The following CRIPT variants were observed in gnomAD, a reference collection of about 807,000 sequenced individuals.
The protein encoded by CRIPT is CXXC repeat containing interactor of PDZ3 domain.
Under a neutral mutation model 16.6 loss-of-function variants are expected in CRIPT, and 20 were observed. The ratio of observed to expected loss-of-function variants is 1.20; its 90% confidence interval spans 0.85 to 1.75. The LOEUF is 1.75. Ranked by LOEUF, CRIPT falls within the 40% of genes most tolerant of loss-of-function variation. CRIPT has a pLI of 0.00. For synonymous variants in CRIPT, 42 were observed against 37.0 expected (o/e 1.14, Z -0.49); for missense variants, 133 against 115.3 (o/e 1.15, Z -0.70).
In CRIPT at chr2:46,628,942, T is replaced by C. The variant is rs556113268; in HGVS notation, c.*4715T>C. ...AAGGAATTAAAGCCAAACCTAACTT[T>C]TATCAAAATAAATGTAAAAGTGATG... On this transcript the variant is annotated 3_prime_UTR_variant, in exon 5 of 5. Coordinates refer to ENST00000238892, the MANE Select transcript of CRIPT (RefSeq NM_014171.6). 2.0e-5 allele frequency among the ~76,000 whole-genome samples: 3 copies of C among 152,318 alleles called. No homozygotes were observed. The South Asian group carries it at 6.2e-4, about 32-fold the overall frequency.
At chr2:46,619,117 CTTAT>C (rs1670742861) in intron 2 of CRIPT, among the ~76,000 whole-genome samples, 1 of 152,028 alleles carries the variant, frequency 6.6e-6, no homozygotes, top group African/African-American at 2.4e-5. Context: ...TTTGATTCAG[CTTAT>C]TTAGAGTCTG....
At position 46,629,218 on chromosome 2, in the gene CRIPT, TA is replaced by T. The variant is rs1219084351; in HGVS notation, c.*4992del. ...TTACATCCTTATGGCAGCCTTCGAA[TA>T]CCTTTTAACTCCCAGTTCCCTTAAC... On this transcript the variant is annotated 3_prime_UTR_variant, in exon 5 of 5. Coordinates refer to ENST00000238892, the MANE Select transcript of CRIPT (RefSeq NM_014171.6). 6.6e-6 allele frequency among the ~76,000 whole-genome samples: 1 copy of T among 152,204 alleles called. No homozygotes were observed. Among genetic ancestry groups the T allele is most frequent in the Admixed American group, 6.5e-5 (1 of 15,282 alleles).
rs148141580 is a variant in CRIPT, at chr2:46,629,680, A to G, written c.*5453A>G. 4.3e-4 allele frequency among the ~76,000 whole-genome samples: 65 copies of G among 152,346 alleles called. No individual in the cohort carries two copies. Among genetic ancestry groups the G allele is most frequent in the African/African-American group, 1.4e-3 (57 of 41,578 alleles). ...GCTGTAAGTGATATGTATTGCAGGT[A>G]TACATCCAGATGCACAGAATGTCCA... On this transcript the variant is annotated 3_prime_UTR_variant, in exon 5 of 5. Coordinates refer to ENST00000238892, the MANE Select transcript of CRIPT (RefSeq NM_014171.6).
At position 46,628,978 on chromosome 2, in the gene CRIPT, TTAAGA is replaced by T. The variant is rs1671009698; in HGVS notation, c.*4754_*4758del. Among the ~76,000 whole-genome samples, 1 of 152,208 alleles carries T rather than the reference TTAAGA, an allele frequency of 6.6e-6. No individual in the cohort carries two copies. Among genetic ancestry groups the T allele is most frequent in the South Asian group, 2.1e-4 (1 of 4,836 alleles). ...AATGTAAAAGTGATGAAAGAATCTGTTAAGATATCAGATTGTAATATAAAAGATAC... is the reference window on the plus strand; with the variant it reads ...AATGTAAAAGTGATGAAAGAATCTGTTATCAGATTGTAATATAAAAGATAC... On this transcript the variant is annotated 3_prime_UTR_variant, in exon 5 of 5. Coordinates refer to ENST00000238892, the MANE Select transcript of CRIPT (RefSeq NM_014171.6).
chr2:46,618,138 G>A (rs1399460169), intron 1 of CRIPT, among the ~76,000 whole-genome samples: 5 of 151,180 alleles, frequency 3.3e-5, no homozygotes, highest in Admixed American at 6.6e-5. Flanking sequence ...CCTTAGCTAG[G>A]GTTATTTCTT....
intron 1 of CRIPT, among the ~76,000 whole-genome samples, chr2:46,617,958 A>G (rs1353605873): frequency 3.3e-5 from 5 of 151,064 alleles, no homozygotes. Flanking sequence ...TTGACCAAAC[A>G]AAATACTCTT....
At position 46,619,614 on chromosome 2, in the gene CRIPT, T is replaced by G. The variant is rs747161749; in HGVS notation, c.83-13T>G. 11 of 1,595,294 alleles carry G rather than the reference T, an allele frequency of 6.9e-6. No homozygotes were observed. The highest frequency in any genetic ancestry group is 9.4e-6 in the Non-Finnish European group (11 of 1,166,436). On this transcript the variant is annotated splice_polypyrimidine_tract_variant and intron_variant, in intron 2 of 4. Transcript: ENST00000238892. ...AGAAATAACCCACTAAAATATCTTT[T>G]ATTCTGATACAGAAAGTGGTGGAAG...
chr2:46,624,326 A>G lies in CRIPT; in HGVS notation c.*99A>G, dbSNP rs1404295208. On this transcript the variant is annotated 3_prime_UTR_variant, in exon 5 of 5. Coordinates refer to ENST00000238892, the MANE Select transcript of CRIPT (RefSeq NM_014171.6). The stretch of plus-strand genomic sequence containing the variant: ...CTTACAGAATAACATGTTTTAAGAT[A>G]ATTAAGTTTAAACCAGAGAATTTGA... 1.4e-6 allele frequency: 1 copy of G among 716,334 alleles called. No homozygotes were observed. The allele number at this position is 716,334 out of a possible 1,614,324, so 44.4% of individuals were successfully genotyped here.
At position 46,629,290 on chromosome 2, in the gene CRIPT, G is replaced by T. The variant is rs1671016600; in HGVS notation, c.*5063G>T. On this transcript the variant is annotated 3_prime_UTR_variant, in exon 5 of 5. Coordinates refer to ENST00000238892, the MANE Select transcript of CRIPT (RefSeq NM_014171.6). ...TCCTCGACCCATTAGAAAGTATATT[G>T]TAGACATCATACTCTTTACCCTTTA... Among the ~76,000 whole-genome samples, 1 of 152,116 alleles carries T rather than the reference G, an allele frequency of 6.6e-6. No individual in the cohort carries two copies. Among genetic ancestry groups the T allele is most frequent in the African/African-American group, 2.4e-5 (1 of 41,424 alleles).
At chr2:46,622,339 C>A (rs1295146207) in intron 3 of CRIPT, among the ~76,000 whole-genome samples, 1 of 146,442 alleles carries the variant, frequency 6.8e-6, no homozygotes, top group Non-Finnish European at 1.5e-5. Flanking sequence ...CACTGCATTC[C>A]AGCCTGGGCG....
At position 46,627,729 on chromosome 2, in the gene CRIPT, G is replaced by A. The variant is rs1250578070; in HGVS notation, c.*3502G>A. On this transcript the variant is annotated 3_prime_UTR_variant, in exon 5 of 5. Transcript: ENST00000238892. ...CAAAGTGCTGGGATTACAGGCATGA[G>A]CCACTGCACCCGGCCCCTTATATTT... 6.6e-6 allele frequency among the ~76,000 whole-genome samples: 1 copy of A among 152,188 alleles called. No individual in the cohort carries two copies. The highest frequency in any genetic ancestry group is 2.4e-5 in the African/African-American group (1 of 41,444).
At chr2:46,620,233 G>C (rs1670766739) in intron 3 of CRIPT, among the ~76,000 whole-genome samples, 1 of 152,124 alleles carries the variant, frequency 6.6e-6, no homozygotes, top group Non-Finnish European at 1.5e-5. Flanking sequence ...CAGATTATCT[G>C]AGCCCAGGAG....
chr2:46,627,989 C>G lies in CRIPT; in HGVS notation c.*3762C>G, dbSNP rs80330582. 0.073 allele frequency among the ~76,000 whole-genome samples: 11,059 copies of G among 151,970 alleles called. 1,158 individuals are homozygous for G. The highest frequency in any genetic ancestry group is 0.51 in the East Asian group (2,633 of 5,176). On this transcript the variant is annotated 3_prime_UTR_variant, in exon 5 of 5. Transcript: ENST00000238892. ...GGTCTGTTTTTATATCTGTACCATG[C>G]TGTTTTGGTTACTGTAGCTTCCTTA...
In CRIPT at chr2:46,628,437, T is replaced by C. The variant is rs149693280; in HGVS notation, c.*4210T>C. On this transcript the variant is annotated 3_prime_UTR_variant, in exon 5 of 5. Transcript: ENST00000238892. ...ATTTTTCTAATTCTGTGAAAAATGATGTTTGTAGTTTGATAGGAATAGCAT... is the reference window on the plus strand; with the variant it reads ...ATTTTTCTAATTCTGTGAAAAATGACGTTTGTAGTTTGATAGGAATAGCAT... Among the ~76,000 whole-genome samples the C allele has an allele frequency of 0.013, 1,941 of 152,270 alleles. 48 individuals carry two copies. Among genetic ancestry groups the C allele is most frequent in the African/African-American group, 0.044 (1,842 of 41,544 alleles).
At chr2:46,622,645 C>T (rs1166440637) in intron 3 of CRIPT, among the ~76,000 whole-genome samples, 1 of 151,886 alleles carries the variant, frequency 6.6e-6, no homozygotes, top group Non-Finnish European at 1.5e-5. Context: ...GAAACCCCAT[C>T]TCTACTAAAA....
At chr2:46,620,601 A>G (rs1370855715) in intron 3 of CRIPT, among the ~76,000 whole-genome samples, 1 of 151,564 alleles carries the variant, frequency 6.6e-6, no homozygotes, top group Non-Finnish European at 1.5e-5. Flanking sequence ...TTATCCCCAC[A>G]ACAGCCCTGA....
At position 46,623,841 on chromosome 2, in the gene CRIPT, A is replaced by C; in HGVS notation, c.215A>C (p.Tyr72Ser). 6.2e-7 allele frequency: 1 copy of C among 1,611,422 alleles called. No individual in the cohort carries two copies. The change falls in exon 4 of 5, where the codon TAC becomes TCC. Residue 72 changes from tyrosine to serine, a missense_variant. Physicochemically the swap from Tyr to Ser is moderately radical, Grantham distance 144 (BLOSUM62 -2). Transcript: ENST00000238892. ...KSSVHQPGSH[Y>S]CQGCAYKKGI... ...TCTGTGCACCAACCAGGTTCTCATT[A>C]CTGCCAGGGCTGTGCCTACAAAAAA...
At position 46,629,273 on chromosome 2, in the gene CRIPT, C is replaced by G. The variant is rs1013572467; in HGVS notation, c.*5046C>G. On this transcript the variant is annotated 3_prime_UTR_variant, in exon 5 of 5. Coordinates refer to ENST00000238892, the MANE Select transcript of CRIPT (RefSeq NM_014171.6). The stretch of plus-strand genomic sequence containing the variant: ...GGGTGTGTATCCTAGAATCCTCGAC[C>G]CATTAGAAAGTATATTGTAGACATC... Among the ~76,000 whole-genome samples, 1 of 152,088 alleles carries G rather than the reference C, an allele frequency of 6.6e-6. No individual in the cohort carries two copies. The highest frequency in any genetic ancestry group is 1.5e-5 in the Non-Finnish European group (1 of 68,024).
At chr2:46,623,578 T>C (rs542710003) in intron 3 of CRIPT, among the ~76,000 whole-genome samples, 186 bp from the exon 4 acceptor site, 2 of 152,232 alleles carry the variant, frequency 1.3e-5, no homozygotes, top group African/African-American at 4.8e-5. Flanking sequence ...CTCACATGGA[T>C]GGAGCAGAGC....
Sources: allele counts gnomAD v4.1 joint callset (sites outside exome capture counted in the v4.1 genomes callset), GRCh38; gene constraint gnomAD v4.1.1; transcripts MANE v1.5; gene names NCBI Gene and HGNC (gene_info 2026-07-23, HGNC 2026-07-21).